NATD1: variants seen among roughly 807,000 people sequenced by gnomAD.
NATD1 encodes protein NATD1.
A neutral mutation model predicts 12.0 loss-of-function variants in NATD1; 9 were observed. That is an observed-to-expected ratio of 0.75 (90% CI 0.45 to 1.30). The LOEUF is 1.30. Among genes scored for constraint, NATD1 ranks in the 50% most tolerant of loss-of-function variants. The pLI, the probability that NATD1 is intolerant of heterozygous loss-of-function variation, is 0.00. For synonymous variants in NATD1, 71 were observed against 65.9 expected (o/e 1.08, Z -0.37); for missense variants, 148 against 148.5 (o/e 1.00, Z 0.02).
At position 21,240,737 on chromosome 17, in the gene NATD1, G is replaced by T. The variant is rs732927; in HGVS notation, c.*2576C>A. ...GGTGCATAAACCGGCCCCATGTGGCGGCATCCTTACCAAGGACCCCCAGGT... is the reference window on the plus strand; with the variant it reads ...GGTGCATAAACCGGCCCCATGTGGCTGCATCCTTACCAAGGACCCCCAGGT... On this transcript the variant is annotated 3_prime_UTR_variant, in exon 3 of 3. Transcript: ENST00000611551. The T allele has an allele frequency of 0.78, 118,808 of 152,708 alleles. 46,430 individuals carry two copies. Among genetic ancestry groups the T allele is most frequent in the Middle Eastern group, 0.82 (242 of 294 alleles). The allele number at this position is 152,708 out of a possible 1,614,324, so 9.5% of individuals were successfully genotyped here.
chr17:21,250,839 C>G (rs11651892), intron 1 of NATD1, among the ~76,000 whole-genome samples: 74,412 of 151,954 alleles, frequency 0.49, 18,390 homozygotes, highest in South Asian at 0.53. Flanking sequence ...AGCCTAGGAA[C>G]ACTTCTGCAC....
At chr17:21,253,021 G>A in intron 1 of NATD1, 138 bp downstream of exon 1, 2 of 298,286 alleles carry the variant, frequency 6.7e-6, no homozygotes, top group Non-Finnish European at 9.9e-6. Context: ...CGCGGCGCGC[G>A]CTTGCAACAG....
At chr17:21,249,658 C>T (rs1180555829) in intron 1 of NATD1, among the ~76,000 whole-genome samples, 1 of 152,190 alleles carries the variant, frequency 6.6e-6, no homozygotes, top group Non-Finnish European at 1.5e-5. Flanking sequence ...GTTCTGCACC[C>T]CTCAAGTGTT....
chr17:21,246,010 A>G (rs1232224763), intron 1 of NATD1, among the ~76,000 whole-genome samples: 2 of 152,234 alleles, frequency 1.3e-5, no homozygotes, highest in Non-Finnish European at 2.9e-5. Flanking sequence ...ACAGGAGAGC[A>G]GAGATCGGAG....
chr17:21,241,971 G>A lies in NATD1; in HGVS notation c.*1342C>T, dbSNP rs1241722591. ...GCATGGTGACCACTGCCCCTGCACC[G>A]GGGGAGGAAGGCATGGGGGTCCTGG... is the stretch of plus-strand genomic sequence containing the variant. On this transcript the variant is annotated 3_prime_UTR_variant, in exon 3 of 3. Coordinates refer to ENST00000611551, the MANE Select transcript of NATD1 (RefSeq NM_152914.3). 3 of 152,774 alleles carry A rather than the reference G, an allele frequency of 2.0e-5. No individual in the cohort carries two copies. The highest frequency in any genetic ancestry group is 2.9e-5 in the Non-Finnish European group (2 of 68,544). 9.5% of individuals were successfully genotyped at this position (152,774 alleles called of 1,614,324 possible). A position where few individuals can be genotyped will look rare whatever the true frequency, so the allele number is the denominator to read the frequency against.
At chr17:21,250,084 C>A (rs1975361398) in intron 1 of NATD1, among the ~76,000 whole-genome samples, 1 of 152,236 alleles carries the variant, frequency 6.6e-6, no homozygotes, top group African/African-American at 2.4e-5. Context: ...AGAGCAGCAG[C>A]TAGAGGGAGC....
At chr17:21,251,135 G>T (rs1272590813) in intron 1 of NATD1, among the ~76,000 whole-genome samples, 1 of 152,116 alleles carries the variant, frequency 6.6e-6, no homozygotes, top group East Asian at 1.9e-4. Flanking sequence ...CCTGGGCTTG[G>T]CTGGGGAGAT....
chr17:21,246,586 C>T (rs548770442), intron 1 of NATD1, among the ~76,000 whole-genome samples: 2 of 151,082 alleles, frequency 1.3e-5, no homozygotes, highest in East Asian at 3.9e-4. Context: ...ATTTGGGAGG[C>T]TGAGGCGGGA....
At chr17:21,253,098 G>T in intron 1 of NATD1, 61 bp downstream of exon 1, 1 of 878,704 alleles carries the variant, frequency 1.1e-6, no homozygotes, top group Non-Finnish European at 1.4e-6. Flanking sequence ...GCAAGGGGGC[G>T]GCCCCGGCGG....
Position 21,243,165 on chromosome 17 carries a change from G to C in NATD1, c.*148C>G. ...CCCATCATTGGTCAGCTGCCTCCAG[G>C]GATCTGGACGTGGGGCACAGATGAG... On this transcript the variant is annotated 3_prime_UTR_variant, in exon 3 of 3. Coordinates refer to ENST00000611551, the MANE Select transcript of NATD1 (RefSeq NM_152914.3). 1.6e-6 allele frequency: 1 copy of C among 624,260 alleles called. No homozygotes were observed. The highest frequency in any genetic ancestry group is 2.8e-6 in the Non-Finnish European group (1 of 362,700). 38.7% of individuals were successfully genotyped at this position (624,260 alleles called of 1,614,324 possible). A position where few individuals can be genotyped will look rare whatever the true frequency, so the allele number is the denominator to read the frequency against.
At position 21,244,230 on chromosome 17, in the gene NATD1, G is replaced by C. The variant is rs1567645058; in HGVS notation, c.107-6C>G. 1 of 1,609,410 alleles carries C rather than the reference G, an allele frequency of 6.2e-7. No homozygotes were observed. Among genetic ancestry groups the C allele is most frequent in the Non-Finnish European group, 8.5e-7 (1 of 1,177,720 alleles). ...GACGGCCCGGTCATGACATCCTGGGGGTTGTGGAGACAGGTAAGCCTATGC... is the reference window on the plus strand; with the variant it reads ...GACGGCCCGGTCATGACATCCTGGGCGTTGTGGAGACAGGTAAGCCTATGC... On this transcript the variant is annotated splice_polypyrimidine_tract_variant and splice_region_variant and intron_variant, in intron 1 of 2. Coordinates refer to ENST00000611551, the MANE Select transcript of NATD1 (RefSeq NM_152914.3). The surrounding 1 kb of genome is among the most constrained non-coding windows in gnomAD (Gnocchi z 5.2).
chr17:21,253,145 C>T lies in NATD1; in HGVS notation c.106+14G>A, dbSNP rs1167538683. On this transcript the variant is annotated intron_variant, in intron 1 of 2. Transcript: ENST00000611551. ...TCGCAGACAAAAGGTCGGGGCGGGC[C>T]GGGGCCGCCTTACCGTTGAGCCGGA... is the stretch of plus-strand genomic sequence containing the variant. The T allele has an allele frequency of 3.0e-6, 3 of 1,013,886 alleles. No individual in the cohort carries two copies. The highest frequency in any genetic ancestry group is 3.5e-6 in the Non-Finnish European group (3 of 849,626). 62.8% of individuals were successfully genotyped at this position (1,013,886 alleles called of 1,614,324 possible). A position where few individuals can be genotyped will look rare whatever the true frequency, so the allele number is the denominator to read the frequency against.
chr17:21,243,487 C>A, intron 2 of NATD1, 58 bp from the exon 3 acceptor site: 1 of 1,401,876 alleles, frequency 7.1e-7, no homozygotes, highest in Non-Finnish European at 1.0e-6. Context: ...CAGAAGGTAG[C>A]ATTGTCTGCT....
In NATD1 at chr17:21,244,388, A is replaced by C. The variant is rs1975307780; in HGVS notation, c.107-164T>G. On this transcript the variant is annotated intron_variant, in intron 1 of 2. Transcript: ENST00000611551. The surrounding 1 kb of genome is among the most constrained non-coding windows in gnomAD (Gnocchi z 5.2). ...CTCCTCATCCATAAAGTGGAGGTAC[A>C]ATAAAATGTCCTTCATAGGGTGGTT... 6.6e-6 allele frequency among the ~76,000 whole-genome samples: 1 copy of C among 152,142 alleles called. No homozygotes were observed. Among genetic ancestry groups the C allele is most frequent in the Admixed American group, 6.5e-5 (1 of 15,276 alleles).
intron 2 of NATD1, 24 bp from the exon 3 acceptor site, chr17:21,243,453 G>A (rs1472000924): frequency 6.3e-7 from 1 of 1,589,102 alleles, no homozygotes. Flanking sequence ...AGAGAGGAGA[G>A]TGGTCAGGGC....
At chr17:21,245,386 T>C (rs1460888463) in intron 1 of NATD1, among the ~76,000 whole-genome samples, 1 of 152,124 alleles carries the variant, frequency 6.6e-6, no homozygotes, top group East Asian at 1.9e-4. Context: ...TTTCATGAGT[T>C]TTAACTTCAA....
chr17:21,245,722 A>C (rs569491141), intron 1 of NATD1, among the ~76,000 whole-genome samples: 2 of 151,652 alleles, frequency 1.3e-5, no homozygotes, highest in South Asian at 2.1e-4. Context: ...TACTTCCTGC[A>C]CCCGCCATCG....
intron 1 of NATD1, among the ~76,000 whole-genome samples, chr17:21,252,866 G>A (rs1424303022): frequency 6.6e-6 from 1 of 151,894 alleles, no homozygotes; most frequent in Non-Finnish European, 1.5e-5. Flanking sequence ...CCTTTCCAGG[G>A]GCCCCTGTCC....
rs2047974763 is a variant in NATD1, at chr17:21,240,605, G to A, written c.*2708C>T. ...GAAGGCACGAGTCACTGCCTATTTT[G>A]ACCCGGCAAGAAATACAAACCCACA... On this transcript the variant is annotated 3_prime_UTR_variant, in exon 3 of 3. Transcript: ENST00000611551. 6.6e-6 allele frequency: 1 copy of A among 152,596 alleles called. No individual in the cohort carries two copies. The highest frequency in any genetic ancestry group is 2.4e-5 in the African/African-American group (1 of 41,456). 9.5% of individuals were successfully genotyped at this position (152,596 alleles called of 1,614,324 possible).
Sources: allele counts gnomAD v4.1 joint callset (sites outside exome capture counted in the v4.1 genomes callset), GRCh38; gene constraint gnomAD v4.1.1; non-coding constraint Gnocchi (gnomAD v3.1); transcripts MANE v1.5; gene names NCBI Gene and HGNC (gene_info 2026-07-23, HGNC 2026-07-21).